Variants in PDZD9 observed in about 807,000 individuals in gnomAD.
PDZD9 encodes PDZ domain containing 9.
In PDZD9, 13 loss-of-function variants were observed where a neutral mutation model predicts 16.3. That is an observed-to-expected ratio of 0.80 (90% CI 0.52 to 1.27). The LOEUF (loss-of-function observed/expected upper bound fraction) is 1.27, where lower values mean the gene tolerates loss of function less well. Ranked by LOEUF, PDZD9 falls within the 50% of genes most tolerant of loss-of-function variation. The pLI is 0.00. For missense variants in PDZD9, 288 were observed against 310.9 expected, an observed-to-expected ratio of 0.93 and a Z score of 0.55; for synonymous variants, 120 against 111.0, an observed-to-expected ratio of 1.08 and a Z score of -0.51.
intron 2 of PDZD9, among the ~76,000 whole-genome samples, chr16:21,995,865 C>T (rs973938952): frequency 1.3e-5 from 2 of 152,220 alleles, no homozygotes; most frequent in African/African-American, 4.8e-5. Context: ...GATCTCAGCT[C>T]ACTGCAACCT....
downstream of PDZD9, chr16:21,980,337 C>A: frequency 1.8e-6 from 1 of 559,028 alleles, no homozygotes; most frequent in Non-Finnish European, 3.1e-6. Context: ...CTTTGGCAAC[C>A]CTGAAGAGAC....
chr16:21,995,512 C>A (rs984024073), intron 2 of PDZD9, among the ~76,000 whole-genome samples: 2 of 152,194 alleles, frequency 1.3e-5, no homozygotes, highest in Non-Finnish European at 2.9e-5. Flanking sequence ...CTGTACCCAG[C>A]CAGAATTAAA....
At chr16:21,964,080 G>T in the PDZD9 span, among the ~76,000 whole-genome samples, 3 of 152,168 alleles carry the variant, frequency 2.0e-5, no homozygotes, top group African/African-American at 7.2e-5. Flanking sequence ...AGCAGAAATA[G>T]CTCAACTCAG....
chr16:21,987,222 C>T (rs1898896980), intron 3 of PDZD9, among the ~76,000 whole-genome samples: 1 of 152,058 alleles, frequency 6.6e-6, no homozygotes. Flanking sequence ...GAGTTCGAAA[C>T]CAGCCTGGCC....
the PDZD9 span, among the ~76,000 whole-genome samples, chr16:21,967,974 G>C: frequency 6.6e-6 from 1 of 150,468 alleles, no homozygotes; most frequent in Non-Finnish European, 1.5e-5. Flanking sequence ...GTTTAGGCCA[G>C]TGTATGCTCT....
chr16:21,992,745 T>C (rs1456299360), intron 2 of PDZD9, among the ~76,000 whole-genome samples: 2 of 152,166 alleles, frequency 1.3e-5, no homozygotes, highest in Non-Finnish European at 2.9e-5. Flanking sequence ...TTCCCAACTT[T>C]TGAGGTTTTG....
downstream of PDZD9, among the ~76,000 whole-genome samples, chr16:21,981,150 C>T (rs1898716653): frequency 6.6e-6 from 1 of 152,184 alleles, no homozygotes; most frequent in Non-Finnish European, 1.5e-5. Flanking sequence ...CAATATTTCA[C>T]CATCTAGCAT....
chr16:21,999,898 G>T (rs547737851), intron 1 of PDZD9, among the ~76,000 whole-genome samples: 5 of 152,338 alleles, frequency 3.3e-5, no homozygotes, highest in Non-Finnish European at 5.9e-5. Flanking sequence ...TCAGCCAGGC[G>T]TGGTGGTTCA....
chr16:21,988,856 G>T, intron 2 of PDZD9, 65 bp from the exon 3 acceptor site: 2 of 1,319,492 alleles, frequency 1.5e-6, no homozygotes, highest in Non-Finnish European at 2.0e-6. Context: ...TTGATTTCTG[G>T]CTTTATTGTG....
the PDZD9 span, among the ~76,000 whole-genome samples, chr16:21,963,922 G>T: frequency 1.3e-5 from 2 of 151,852 alleles, no homozygotes; most frequent in African/African-American, 4.8e-5. Flanking sequence ...TTTTTAATAG[G>T]AATCTTTTTT....
the PDZD9 span, chr16:21,972,236 C>T: frequency 7.5e-7 from 1 of 1,340,846 alleles, no homozygotes; most frequent in Non-Finnish European, 1.0e-6. Flanking sequence ...AATCTTTGTA[C>T]AATTGAAGAG....
chr16:21,972,111 C>T, the PDZD9 span: 3 of 1,613,426 alleles, frequency 1.9e-6, no homozygotes, highest in East Asian at 4.5e-5. Context: ...GGCAACTCAG[C>T]AGCCATTTGA....
At chr16:21,977,380 T>C in the PDZD9 span, among the ~76,000 whole-genome samples, 1 of 152,016 alleles carries the variant, frequency 6.6e-6, no homozygotes, top group Non-Finnish European at 1.5e-5. Context: ...TATTTCTAAG[T>C]CACAAATCTA....
downstream of PDZD9, among the ~76,000 whole-genome samples, chr16:21,981,844 C>CTT (rs1245008218): frequency 1.3e-4 from 18 of 142,168 alleles, no homozygotes; most frequent in Non-Finnish European, 2.5e-4. Flanking sequence ...TCATACTCTT[C>CTT]TTTTTTTTTT....
the PDZD9 span, chr16:21,976,945 C>G: frequency 6.6e-6 from 1 of 152,050 alleles, no homozygotes; most frequent in African/African-American, 2.4e-5. Context: ...TATCTTTGGG[C>G]TTAAAATATT....
At chr16:21,962,283 G>C in the PDZD9 span, 1 of 669,890 alleles carries the variant, frequency 1.5e-6, no homozygotes, top group Non-Finnish European at 2.5e-6. Context: ...TTATTTGCTG[G>C]TTTTTAAAAA....
the PDZD9 span, among the ~76,000 whole-genome samples, chr16:21,975,491 T>C: frequency 6.6e-6 from 1 of 152,098 alleles, no homozygotes; most frequent in East Asian, 1.9e-4. Flanking sequence ...GAAAAATAAG[T>C]AGCAGACCCA....
chr16:21,973,740 C>T, the PDZD9 span, among the ~76,000 whole-genome samples: 1 of 152,120 alleles, frequency 6.6e-6, no homozygotes, highest in African/African-American at 2.4e-5. Context: ...AACCTATTTA[C>T]AGAATACTTC....
At chr16:21,972,035 C>G in the PDZD9 span, 1 of 1,614,162 alleles carries the variant, frequency 6.2e-7, no homozygotes, top group Non-Finnish European at 8.5e-7. Context: ...AGCATGTCCT[C>G]GGTGCTGGGC....
Sources: allele counts gnomAD v4.1 joint callset (sites outside exome capture counted in the v4.1 genomes callset), GRCh38; gene constraint gnomAD v4.1.1; transcripts MANE v1.5; gene names NCBI Gene and HGNC (gene_info 2026-07-23, HGNC 2026-07-21).